Variants in SUPT3H observed in about 807,000 individuals in gnomAD.
SUPT3H encodes SPT3 homolog, SAGA and STAGA complex component.
In SUPT3H, 44 loss-of-function variants were observed where a neutral mutation model predicts 44.3. That is an observed-to-expected ratio of 0.99 (90% confidence interval 0.78 to 1.28). SUPT3H has a LOEUF of 1.28. Ranked by LOEUF, SUPT3H falls within the 50% of genes most tolerant of loss-of-function variation. SUPT3H has a pLI of 0.00. For synonymous variants in SUPT3H, 124 were observed against 125.6 expected, an observed-to-expected ratio of 0.99 and a Z score of 0.09; for missense variants, 380 against 387.1, an observed-to-expected ratio of 0.98 and a Z score of 0.15.
intron 2 of SUPT3H, among the ~76,000 whole-genome samples, chr6:45,242,511 A>G (rs1247273826): frequency 6.6e-6 from 1 of 152,194 alleles, no homozygotes; most frequent in Non-Finnish European, 1.5e-5. Context: ...AAGCTGGGAG[A>G]CACTTAAGTT....
At chr6:44,965,642 A>G (rs1350891078) in intron 6 of SUPT3H, among the ~76,000 whole-genome samples, 1 of 152,128 alleles carries the variant, frequency 6.6e-6, no homozygotes, top group East Asian at 1.9e-4. Flanking sequence ...TGATTTGGAT[A>G]TGCTTATCAC....
chr6:45,328,239 A>T, intron 2 of SUPT3H: 4 of 1,304,222 alleles, frequency 3.1e-6, no homozygotes, highest in Non-Finnish European at 4.0e-6. Context: ...CTGTGAGGTC[A>T]CAAACCACAT....
rs185841748 is a variant in SUPT3H at position 45,280,753 on chromosome 6, G to A, written c.101+84448C>T. On this transcript the variant is annotated intron_variant, in intron 2 of 10. Coordinates refer to ENST00000371459, the MANE Select transcript of SUPT3H (RefSeq NM_003599.4). ...ACTCCTAGTGGCTTCACCTAGAGTG[G>A]TAACCATGGGATAAAATATATGGGC... Among the ~76,000 whole-genome samples the A allele has an allele frequency of 5.6e-3, 854 of 152,260 alleles. 3 individuals carry two copies. Among genetic ancestry groups the A allele is most frequent in the Non-Finnish European group, 9.9e-3 (670 of 68,014 alleles).
chr6:45,013,898 T>C (rs928593156), intron 5 of SUPT3H, among the ~76,000 whole-genome samples: 8 of 152,106 alleles, frequency 5.3e-5, no homozygotes, highest in African/African-American at 1.9e-4. Flanking sequence ...GAGCAGGTCA[T>C]GGTTTAAATG....
chr6:45,118,406 A>T (rs1801136273), intron 2 of SUPT3H, among the ~76,000 whole-genome samples: 1 of 152,140 alleles, frequency 6.6e-6, no homozygotes, highest in Admixed American at 6.6e-5. Context: ...AATATCAATA[A>T]AACAGTAATT....
chr6:44,923,476 C>T (rs1029636809), intron 10 of SUPT3H, among the ~76,000 whole-genome samples: 1 of 151,992 alleles, frequency 6.6e-6, no homozygotes, highest in East Asian at 1.9e-4. Context: ...TAAGTTACGT[C>T]TTGGAATTTA....
chr6:45,118,737 A>G (rs755010528), intron 2 of SUPT3H, among the ~76,000 whole-genome samples: 4 of 152,112 alleles, frequency 2.6e-5, no homozygotes, highest in Non-Finnish European at 4.4e-5. Flanking sequence ...TCTAAGGCAT[A>G]TTGCACTGAT....
chr6:45,283,022 G>A (rs1778460042), intron 2 of SUPT3H, among the ~76,000 whole-genome samples: 1 of 152,094 alleles, frequency 6.6e-6, no homozygotes, highest in African/African-American at 2.4e-5. Flanking sequence ...ATACTTTACA[G>A]GCAAGCAAAT....
At chr6:45,062,303 G>A (rs139435147) in intron 3 of SUPT3H, among the ~76,000 whole-genome samples, 87 of 152,198 alleles carry the variant, frequency 5.7e-4, no homozygotes, top group African/African-American at 2.0e-3. Context: ...AATCTACACT[G>A]TACTAAATTC....
At chr6:45,259,145 C>CTTGT (rs1773913372) in intron 2 of SUPT3H, among the ~76,000 whole-genome samples, 2 of 151,974 alleles carry the variant, frequency 1.3e-5, no homozygotes, top group Admixed American at 6.6e-5. Context: ...TTAGCATTTG[C>CTTGT]TTGTTGGGAA....
intron 6 of SUPT3H, among the ~76,000 whole-genome samples, chr6:44,995,255 C>T (rs1052728877): frequency 1.3e-5 from 2 of 151,820 alleles, no homozygotes; most frequent in East Asian, 3.9e-4. Flanking sequence ...TACAAAAATA[C>T]CCATGAAACT....
intron 3 of SUPT3H, chr6:45,099,177 C>A: frequency 3.6e-6 from 1 of 278,556 alleles, no homozygotes; most frequent in South Asian, 3.6e-5. Context: ...CCACCCTTTC[C>A]TTTCATGACA....
Position 45,365,197 on chromosome 6 carries a change from T to C in SUPT3H, c.101+4A>G. 6.3e-7 allele frequency: 1 copy of C among 1,582,796 alleles called. No individual in the cohort carries two copies. Among genetic ancestry groups the C allele is most frequent in the Non-Finnish European group, 8.6e-7 (1 of 1,156,750 alleles). On this transcript the variant is annotated splice_donor_region_variant and intron_variant, in intron 2 of 10. Transcript: ENST00000371459. The stretch of plus-strand genomic sequence containing the variant: ...ATAGCAATAGCATGCAGGGACATAC[T>C]TACATCATACTCTGTAATTCTGTTG...
intron 10 of SUPT3H, among the ~76,000 whole-genome samples, chr6:44,924,592 T>C (rs1414194912): frequency 6.6e-6 from 1 of 152,124 alleles, no homozygotes; most frequent in African/African-American, 2.4e-5. Flanking sequence ...AAGCCTATGG[T>C]ACCAGTAAGC....
chr6:44,904,290 C>A (rs1323699079), intron 10 of SUPT3H, among the ~76,000 whole-genome samples: 2 of 152,192 alleles, frequency 1.3e-5, no homozygotes, highest in African/African-American at 2.4e-5. Flanking sequence ...AGCCCCAAAT[C>A]TCCTTAAGCT....
At chr6:44,893,059 C>T (rs1452233898) in intron 10 of SUPT3H, among the ~76,000 whole-genome samples, 2 of 151,990 alleles carry the variant, frequency 1.3e-5, no homozygotes, top group African/African-American at 4.8e-5. Context: ...TACAAACACA[C>T]ACACACATAA....
chr6:45,139,745 C>A (rs1306279063), intron 2 of SUPT3H, among the ~76,000 whole-genome samples: 1 of 152,148 alleles, frequency 6.6e-6, no homozygotes, highest in Non-Finnish European at 1.5e-5. Flanking sequence ...CACTCCCAGT[C>A]TATAACATGA....
intron 3 of SUPT3H, among the ~76,000 whole-genome samples, chr6:45,100,184 T>C (rs1798351948): frequency 6.6e-6 from 1 of 151,880 alleles, no homozygotes; most frequent in African/African-American, 2.4e-5. Context: ...TCTGGGAAAA[T>C]ATTTCATGAA....
chr6:45,250,257 C>T (rs1018660210), intron 2 of SUPT3H, among the ~76,000 whole-genome samples: 4 of 151,648 alleles, frequency 2.6e-5, no homozygotes, highest in African/African-American at 4.8e-5. Flanking sequence ...AAGAAAACTT[C>T]ATGCAATCAT....
Sources: allele counts gnomAD v4.1 joint callset (sites outside exome capture counted in the v4.1 genomes callset), GRCh38; gene constraint gnomAD v4.1.1; transcripts MANE v1.5; gene names NCBI Gene and HGNC (gene_info 2026-07-23, HGNC 2026-07-21).